Variants in DLG2 observed in about 807,000 individuals in gnomAD.
DLG2 encodes the protein disks large homolog 2.
DLG2 carries 45 observed loss-of-function variants against 132.5 expected under a neutral mutation model. The observed-to-expected ratio is 0.34, with a 90% CI of 0.27 to 0.44. The LOEUF (loss-of-function observed/expected upper bound fraction) is 0.44. DLG2 is among the 20% of genes least tolerant of loss of function. DLG2 has a pLI of 1.00. For missense variants in DLG2, 1,045 were observed against 1,196.9 expected (o/e 0.87, Z 1.87); for synonymous variants, 424 against 419.6 (o/e 1.01, Z -0.13).
Position 83,698,345 on chromosome 11 carries a change from A to G in DLG2, c.1826-65020T>C, listed in dbSNP as rs148400490. ...ATGGCAGTGGGTGTTTCATTTTCAT[A>G]TAATTATAATGTGCAGAAGAACATA... is the stretch of plus-strand genomic sequence containing the variant. On this transcript the variant is annotated intron_variant, in intron 18 of 27. Coordinates refer to ENST00000376104, the MANE Select transcript of DLG2 (RefSeq NM_001142699.3). 9.1e-3 allele frequency among the ~76,000 whole-genome samples: 1,393 copies of G among 152,348 alleles called. 13 individuals carry two copies. The highest frequency in any genetic ancestry group is 0.012 in the Non-Finnish European group (811 of 68,030).
At chr11:84,274,301 A>G (rs1567149027) in intron 7 of DLG2, among the ~76,000 whole-genome samples, 2 of 152,166 alleles carry the variant, frequency 1.3e-5, no homozygotes, top group Non-Finnish European at 2.9e-5. Context: ...AGCACTTGGA[A>G]GTTCCAAAGG....
intron 17 of DLG2, among the ~76,000 whole-genome samples, chr11:83,787,613 G>A (rs564218129): frequency 2.0e-5 from 3 of 152,174 alleles, no homozygotes; most frequent in Admixed American, 6.5e-5. Flanking sequence ...GAGCCACCGC[G>A]CCCGGCCGCC....
At chr11:85,435,512 A>G (rs2091430697) in intron 3 of DLG2, among the ~76,000 whole-genome samples, 2 of 151,974 alleles carry the variant, frequency 1.3e-5, no homozygotes, top group Admixed American at 6.6e-5. Context: ...TTCTTACACA[A>G]CAACAAGAGA....
At chr11:85,599,596 G>C (rs146473701) in intron 2 of DLG2, among the ~76,000 whole-genome samples, 1 of 152,062 alleles carries the variant, frequency 6.6e-6, no homozygotes, top group Non-Finnish European at 1.5e-5. Flanking sequence ...GTTATGATTA[G>C]ACAATATATG....
intron 6 of DLG2, among the ~76,000 whole-genome samples, chr11:84,853,714 C>T (rs766572695): frequency 1.3e-5 from 2 of 151,912 alleles, no homozygotes; most frequent in Non-Finnish European, 2.9e-5. Flanking sequence ...CATTGAAAAC[C>T]CCTAGTCTTC....
At chr11:84,435,516 G>A (rs1027745677) in intron 7 of DLG2, among the ~76,000 whole-genome samples, 2 of 152,126 alleles carry the variant, frequency 1.3e-5, no homozygotes, top group Non-Finnish European at 2.9e-5. Context: ...CTAGCACAAA[G>A]GCAGTAGAGT....
At chr11:85,592,019 A>G (rs1377199817) in intron 3 of DLG2, among the ~76,000 whole-genome samples, 1 of 152,162 alleles carries the variant, frequency 6.6e-6, no homozygotes, top group Non-Finnish European at 1.5e-5. Context: ...TTTATATAAA[A>G]CCTTCTCTAG....
chr11:83,669,144 G>A (rs1406076626), intron 18 of DLG2, among the ~76,000 whole-genome samples: 1 of 152,026 alleles, frequency 6.6e-6, no homozygotes, highest in Non-Finnish European at 1.5e-5. Context: ...AGAGTATTAT[G>A]TTAGGTCCCA....
chr11:85,162,950 C>T (rs1487211815), intron 4 of DLG2, among the ~76,000 whole-genome samples: 2 of 152,128 alleles, frequency 1.3e-5, no homozygotes, highest in Non-Finnish European at 2.9e-5. Context: ...GGCAGACCCA[C>T]CCTTAATCTG....
At chr11:84,693,056 G>A (rs956384583) in intron 6 of DLG2, among the ~76,000 whole-genome samples, 1 of 151,656 alleles carries the variant, frequency 6.6e-6, no homozygotes, top group Non-Finnish European at 1.5e-5. Context: ...CAATACCTCT[G>A]TTTTCCTGGG....
At chr11:84,358,013 C>G (rs150018239) in intron 7 of DLG2, among the ~76,000 whole-genome samples, 1 of 152,000 alleles carries the variant, frequency 6.6e-6, no homozygotes, top group Non-Finnish European at 1.5e-5. Context: ...TTTTATAGTA[C>G]TATTATAATA....
chr11:84,441,196 G>T (rs998540070), intron 7 of DLG2, among the ~76,000 whole-genome samples: 11 of 151,658 alleles, frequency 7.3e-5, no homozygotes, highest in Non-Finnish European at 4.4e-5. Context: ...ACCCAGGATG[G>T]AGTGCAGTGT....
chr11:83,999,142 C>T (rs371923591), intron 11 of DLG2, among the ~76,000 whole-genome samples: 1 of 152,168 alleles, frequency 6.6e-6, no homozygotes, highest in Admixed American at 6.5e-5. Flanking sequence ...GACACCTCTG[C>T]CTACCATAGC....
At chr11:85,469,212 CT>C (rs2092906890) in intron 3 of DLG2, 1 of 152,168 alleles carries the variant, frequency 6.6e-6, no homozygotes, top group South Asian at 2.1e-4. Context: ...ACCTTTACCA[CT>C]TTGGTCAAAA....
chr11:83,896,827 A>C (rs886925403), intron 15 of DLG2, among the ~76,000 whole-genome samples: 1 of 152,272 alleles, frequency 6.6e-6, no homozygotes, highest in South Asian at 2.1e-4. Context: ...AAATGGGTGA[A>C]GTTTATTGTA....
intron 8 of DLG2, among the ~76,000 whole-genome samples, chr11:84,249,808 T>A (rs1448245028): frequency 6.6e-6 from 1 of 152,200 alleles, no homozygotes; most frequent in African/African-American, 2.4e-5. Context: ...TCCGGTCTGG[T>A]CCCAAACTAT....
chr11:85,161,147 A>G (rs991278873), intron 4 of DLG2, among the ~76,000 whole-genome samples: 16 of 152,346 alleles, frequency 1.1e-4, no homozygotes, highest in African/African-American at 3.6e-4. Context: ...TTTGTATCGC[A>G]TGGGATTGCT....
chr11:83,615,189 C>T (rs185505347), intron 19 of DLG2, among the ~76,000 whole-genome samples: 96 of 152,186 alleles, frequency 6.3e-4, no homozygotes, highest in African/African-American at 2.3e-3. Context: ...GCATCGAAGT[C>T]CTGACTGCAG....
chr11:85,148,236 C>T lies in DLG2; in HGVS notation c.282+6320G>A, dbSNP rs189096103. On this transcript the variant is annotated intron_variant, in intron 5 of 27. Coordinates refer to ENST00000376104, the MANE Select transcript of DLG2 (RefSeq NM_001142699.3). ...CATACATGTGCATGTATCTTTATAACGGAATGATTTATATTCCTTTGGGTA... is the reference window on the plus strand; with the variant it reads ...CATACATGTGCATGTATCTTTATAATGGAATGATTTATATTCCTTTGGGTA... Among the ~76,000 whole-genome samples the T allele has an allele frequency of 2.5e-3, 377 of 152,120 alleles. 6 individuals carry two copies. The highest frequency in any genetic ancestry group is 9.8e-3 in the Admixed American group (150 of 15,268).
Sources: allele counts gnomAD v4.1 joint callset (sites outside exome capture counted in the v4.1 genomes callset), GRCh38; gene constraint gnomAD v4.1.1; transcripts MANE v1.5; gene names NCBI Gene and HGNC (gene_info 2026-07-23, HGNC 2026-07-21).